RXRG: variants seen among roughly 807,000 people sequenced by gnomAD.
The protein encoded by RXRG is retinoid X receptor gamma.
In RXRG, 19 loss-of-function variants were observed where a neutral mutation model predicts 49.2. The ratio of observed to expected loss-of-function variants is 0.39; its 90% CI spans 0.27 to 0.57. RXRG has a LOEUF of 0.57. Among genes scored for constraint, RXRG ranks in the 20% least tolerant of loss-of-function variants. The pLI, the probability that RXRG is intolerant of heterozygous loss-of-function variation, is 0.64. For synonymous variants in RXRG, 224 were observed against 216.6 expected (o/e 1.03, Z -0.30); for missense variants, 452 against 592.5 (o/e 0.76, Z 2.46).
rs149766171 is a variant in RXRG at position 165,428,962 on chromosome 1, G to A, written c.54C>T (p.Ser18=). 3.1e-6 allele frequency: 5 copies of A among 1,612,364 alleles called. No homozygotes were observed. In the African/African-American group the frequency reaches 6.7e-5, roughly 22 times the overall value. Residue 18 remains serine (S), a synonymous_variant, in exon 2 of 10, where the codon TCC becomes TCT. Coordinates refer to ENST00000359842, the MANE Select transcript of RXRG (RefSeq NM_006917.5). ...FMKFPAGYGG[S]PGHTGSTSMS... is the part of the protein sequence containing the mutation. ...TGGATGTAGAGCCAGTGTGGCCAGG[G>A]GAGCCTGTAAGAAGAAGAATATAGA...
chr1:165,409,691 C>A lies in RXRG; in HGVS notation c.914-1G>T. Reference sequence around the variant, plus strand: ...GAGGCAATCAGCAATTCATTCCACCCTGCAAGGATAAGGAGGAGGTCTTGA... The same window carrying A: ...GAGGCAATCAGCAATTCATTCCACCATGCAAGGATAAGGAGGAGGTCTTGA... On this transcript the variant is annotated splice_acceptor_variant, in intron 6 of 9. Coordinates refer to ENST00000359842, the MANE Select transcript of RXRG (RefSeq NM_006917.5). LOFTEE classifies it high-confidence loss of function. 6.7e-7 allele frequency: 1 copy of A among 1,503,336 alleles called. No individual in the cohort carries two copies. 93.1% of individuals were successfully genotyped at this position (1,503,336 alleles called of 1,614,324 possible).
intron 1 of RXRG, among the ~76,000 whole-genome samples, chr1:165,431,043 G>A (rs555685414): frequency 6.6e-6 from 1 of 152,096 alleles, no homozygotes; most frequent in South Asian, 2.1e-4. Context: ...CACTATATTT[G>A]TTTATTCCCT....
chr1:165,408,353 C>A, intron 7 of RXRG, 35 bp from the exon 8 acceptor site: 2 of 1,476,422 alleles, frequency 1.4e-6, no homozygotes, highest in Non-Finnish European at 1.9e-6. Context: ...ATGAGAAAAC[C>A]GTAAGTAACA....
chr1:165,426,052 A>G (rs1043466846), intron 2 of RXRG, among the ~76,000 whole-genome samples: 1 of 152,250 alleles, frequency 6.6e-6, no homozygotes, highest in African/African-American at 2.4e-5. Context: ...TGCACAAGTC[A>G]CTTGGGCTCC....
rs1215066674 is a variant in RXRG, at chr1:165,406,848, G to T, written c.1208C>A (p.Ala403Asp). The change falls in exon 9 of 10, where the codon GCC (alanine) becomes GAC (aspartate). Residue 403 changes from alanine to aspartate, a missense_variant. Transcript: ENST00000359842. ...TTCCGGATACTTCTGCTTGGTGTAG[G>T]CCTCAAGGGTGGCATAAACCTTCTC... ...LREKVYATLE[A>D]YTKQKYPEQP... is the part of the protein sequence containing the mutation. The T allele has an allele frequency of 1.2e-6, 2 of 1,613,704 alleles. No individual in the cohort carries two copies. The highest frequency in any genetic ancestry group is 1.7e-6 in the Non-Finnish European group (2 of 1,179,920).
At chr1:165,424,694 C>T (rs1658425390) in intron 2 of RXRG, 2 of 763,490 alleles carry the variant, frequency 2.6e-6, no homozygotes, top group Non-Finnish European at 3.2e-6. Context: ...CTGGCCCTGC[C>T]TGCTGCTCCC....
intron 1 of RXRG, among the ~76,000 whole-genome samples, chr1:165,435,727 C>T (rs1658802339): frequency 6.6e-6 from 1 of 152,138 alleles, no homozygotes; most frequent in South Asian, 2.1e-4. Flanking sequence ...GGGACTGGGC[C>T]CCCAAAGGTG....
Position 165,401,096 on chromosome 1 carries a change from G to C in RXRG, c.*167C>G. On this transcript the variant is annotated 3_prime_UTR_variant, in exon 10 of 10. Transcript: ENST00000359842. ...TATTACCTTTAACATCTATACAAAA[G>C]TCCACCTATAAAAGTCTCATGTGTA... 1.6e-6 allele frequency: 1 copy of C among 620,106 alleles called. No homozygotes were observed. Among genetic ancestry groups the C allele is most frequent in the East Asian group, 2.8e-5 (1 of 35,988 alleles). The allele number at this position is 620,106 out of a possible 1,614,324, so 38.4% of individuals were successfully genotyped here.
At chr1:165,427,219 G>A (rs1315979070) in intron 2 of RXRG, among the ~76,000 whole-genome samples, 1 of 152,228 alleles carries the variant, frequency 6.6e-6, no homozygotes, top group Non-Finnish European at 1.5e-5. Flanking sequence ...TGTGCTGGTA[G>A]TTGGGGCAGC....
intron 1 of RXRG, among the ~76,000 whole-genome samples, chr1:165,442,533 G>A (rs942631195): frequency 2.6e-5 from 4 of 152,052 alleles, no homozygotes; most frequent in African/African-American, 4.8e-5. Flanking sequence ...ATCTAATTAC[G>A]CTAAATATCA....
chr1:165,401,306 G>A lies in RXRG; in HGVS notation c.1349C>T (p.Thr450Ile), dbSNP rs1462496099. The A allele has an allele frequency of 6.2e-7, 1 of 1,614,042 alleles. No homozygotes were observed. Among genetic ancestry groups the A allele is most frequent in the Admixed American group, 1.7e-5 (1 of 60,000 alleles). The change falls in exon 10 of 10, where the codon ACC becomes ATC. Residue 450 changes from threonine to isoleucine, a missense_variant. Thr to Ile is a moderately conservative substitution (Grantham distance 89). Transcript: ENST00000359842. ...FKLIGDTPID[T>I]FLMEMLETPL... ...GGTCTCCAACATCTCCATGAGGAAG[G>A]TGTCAATGGGGGTGTCCCCGATGAG...
In RXRG at chr1:165,409,735, C is replaced by T; in HGVS notation, c.914-45G>A. ...GTCTTGAGGGAAAACAGAACACATTCTTTCTTTACTTATAATCACCCAAGG... is the reference window on the plus strand; with the variant it reads ...GTCTTGAGGGAAAACAGAACACATTTTTTCTTTACTTATAATCACCCAAGG... On this transcript the variant is annotated intron_variant, in intron 6 of 9. Coordinates refer to ENST00000359842, the MANE Select transcript of RXRG (RefSeq NM_006917.5). 4 of 1,398,134 alleles carry T rather than the reference C, an allele frequency of 2.9e-6. No homozygotes were observed. In the African/African-American group the frequency reaches 4.4e-5, roughly 15 times the overall value. 86.6% of individuals were successfully genotyped at this position (1,398,134 alleles called of 1,614,324 possible).
At chr1:165,422,185 G>A (rs751386605) in intron 2 of RXRG, among the ~76,000 whole-genome samples, 9 of 152,152 alleles carry the variant, frequency 5.9e-5, no homozygotes, top group Non-Finnish European at 8.8e-5. Flanking sequence ...CAGCAACCAC[G>A]GATAGTAATG....
At chr1:165,435,817 G>A (rs952173639) in intron 1 of RXRG, among the ~76,000 whole-genome samples, 2 of 152,140 alleles carry the variant, frequency 1.3e-5, no homozygotes, top group African/African-American at 4.8e-5. Flanking sequence ...TTGCATTCTG[G>A]AGTAGAGGTT....
At chr1:165,422,771 AC>A (rs1231182052) in intron 2 of RXRG, among the ~76,000 whole-genome samples, 1 of 152,252 alleles carries the variant, frequency 6.6e-6, no homozygotes, top group Non-Finnish European at 1.5e-5. Flanking sequence ...TGAATGAGGT[AC>A]AGCATGAGGA....
At chr1:165,416,161 G>A (rs762785592) in intron 4 of RXRG, among the ~76,000 whole-genome samples, 16 of 151,998 alleles carry the variant, frequency 1.1e-4, no homozygotes, top group Non-Finnish European at 2.1e-4. Flanking sequence ...GAGCGTGCTG[G>A]GCCTGACTGA....
At chr1:165,403,778 G>T (rs74121134) in intron 9 of RXRG, among the ~76,000 whole-genome samples, 6,483 of 152,246 alleles carry the variant, frequency 0.043, 166 homozygotes, top group East Asian at 0.072. Context: ...CTCTAAAAAG[G>T]CCACGATTTT....
Position 165,417,009 on chromosome 1 carries a change from G to C in RXRG, c.622+32C>G, listed in dbSNP as rs41266640. 1,804 of 1,588,778 alleles carry C rather than the reference G, an allele frequency of 1.1e-3. 1 individual carries two copies. Among genetic ancestry groups the C allele is most frequent in the Non-Finnish European group, 1.4e-3 (1,658 of 1,164,222 alleles). On this transcript the variant is annotated intron_variant, in intron 4 of 9. Coordinates refer to ENST00000359842, the MANE Select transcript of RXRG (RefSeq NM_006917.5). Reference sequence around the variant, plus strand: ...CCTTGCCTAGGAAATGCCTCTCTCCGGACACGAGTTTTGGAACTGAATGTG... The same window carrying C: ...CCTTGCCTAGGAAATGCCTCTCTCCCGACACGAGTTTTGGAACTGAATGTG...
chr1:165,443,959 A>G (rs1214771637), intron 1 of RXRG, among the ~76,000 whole-genome samples: 1 of 152,218 alleles, frequency 6.6e-6, no homozygotes, highest in East Asian at 1.9e-4. Context: ...GACAAGCGAC[A>G]GGCCAGTTGG....
Sources: allele counts gnomAD v4.1 joint callset (sites outside exome capture counted in the v4.1 genomes callset), GRCh38; gene constraint gnomAD v4.1.1; transcripts MANE v1.5; gene names NCBI Gene and HGNC (gene_info 2026-07-23, HGNC 2026-07-21).